The following TMBIM6 variants were observed in gnomAD, a reference collection of about 807,000 sequenced individuals.
TMBIM6 encodes transmembrane BAX inhibitor motif containing 6.
A neutral mutation model predicts 31.4 loss-of-function variants in TMBIM6; 13 were observed. That is an observed-to-expected ratio of 0.41 (90% confidence interval 0.27 to 0.66). The LOEUF (loss-of-function observed/expected upper bound fraction) is 0.66. Among genes scored for constraint, TMBIM6 ranks in the 30% least tolerant of loss-of-function variants. TMBIM6 has a pLI of 0.28. For synonymous variants in TMBIM6, 85 were observed against 101.7 expected (o/e 0.84, Z 0.99); for missense variants, 275 against 289.5 (o/e 0.95, Z 0.36).
At chr12:49,758,148 A>G (rs1284174959) in intron 4 of TMBIM6, 79 bp from the exon 5 acceptor site, 3 of 1,518,140 alleles carry the variant, frequency 2.0e-6, no homozygotes, top group African/African-American at 2.8e-5. Context: ...GTATGCCTAT[A>G]TTTCGGGATC....
At chr12:49,742,969 AG>A (rs1234309845) in intron 1 of TMBIM6, among the ~76,000 whole-genome samples, 1 of 143,456 alleles carries the variant, frequency 7.0e-6, no homozygotes, top group Admixed American at 7.3e-5. Context: ...AACATGGTTT[AG>A]TACCTTCCTC....
At chr12:49,749,441 G>GTTTTTTTTTTTTTTTTTT (rs61667487) in intron 1 of TMBIM6, among the ~76,000 whole-genome samples, 2 of 146,048 alleles carry the variant, frequency 1.4e-5, no homozygotes, top group African/African-American at 2.7e-5. Flanking sequence ...AGTCATTTTT[G>GTTTTTTTTTTTTTTTTTT]TTTTTTTTTG....
intron 3 of TMBIM6, 114 bp from the exon 4 acceptor site, chr12:49,755,521 T>C (rs1157870705): frequency 7.4e-7 from 1 of 1,357,242 alleles, no homozygotes; most frequent in African/African-American, 1.5e-5. Flanking sequence ...TGCCTCCAGG[T>C]TATAAGCAAA....
chr12:49,762,818 T>C (rs2136967402), intron 9 of TMBIM6, 55 bp from the exon 10 acceptor site: 1 of 1,566,062 alleles, frequency 6.4e-7, no homozygotes. Flanking sequence ...TCAAGAGTTT[T>C]AGCTTGAATG....
chr12:49,762,346 A>G (rs1287345904), intron 9 of TMBIM6, among the ~76,000 whole-genome samples: 1 of 152,222 alleles, frequency 6.6e-6, no homozygotes, highest in Non-Finnish European at 1.5e-5. Flanking sequence ...AGGCAGATGT[A>G]CAAGTTTCAG....
rs773911247 is a variant in TMBIM6 at position 49,753,089 on chromosome 12, C to T, written c.165+8C>T. The T allele has an allele frequency of 6.8e-6, 11 of 1,608,972 alleles. No individual in the cohort carries two copies. The highest frequency in any genetic ancestry group is 5.0e-5 in the Admixed American group (3 of 59,434). ...GTCACTCATTTCATTCAGGTAAGAA[C>T]GATTTTCTCTCCTGGTTGCTGTGGT... is the stretch of plus-strand genomic sequence containing the variant. On this transcript the variant is annotated splice_region_variant and intron_variant, in intron 3 of 9. Coordinates refer to ENST00000267115, the MANE Select transcript of TMBIM6 (RefSeq NM_003217.3).
chr12:49,757,597 G>GTC (rs1410300539), intron 4 of TMBIM6, among the ~76,000 whole-genome samples: 6 of 152,346 alleles, frequency 3.9e-5, no homozygotes, highest in African/African-American at 1.4e-4. Flanking sequence ...CTGAGTGACA[G>GTC]TCTAATATAC....
chr12:49,742,004 T>G, intron 1 of TMBIM6: 1 of 1,329,628 alleles, frequency 7.5e-7, no homozygotes, highest in Non-Finnish European at 1.0e-6. Flanking sequence ...TCAGAGCACG[T>G]CCTTCCGAGG....
intron 1 of TMBIM6, among the ~76,000 whole-genome samples, chr12:49,750,084 C>T (rs1297094650): frequency 1.3e-5 from 2 of 152,114 alleles, no homozygotes; most frequent in South Asian, 4.1e-4. Context: ...ATCCCCCTGC[C>T]CCAACCCACA....
At chr12:49,742,034 A>T in intron 1 of TMBIM6, 5 of 1,495,020 alleles carry the variant, frequency 3.3e-6, no homozygotes, top group Non-Finnish European at 4.5e-6. Context: ...GCGAAACTCC[A>T]CCCATCCGAT....
At chr12:49,742,261 G>T (rs1298530029) in intron 1 of TMBIM6, 1 of 1,606,788 alleles carries the variant, frequency 6.2e-7, no homozygotes, top group South Asian at 1.1e-5. Flanking sequence ...GCTCTTTTCG[G>T]ATTGGTTACC....
At chr12:49,749,920 C>T (rs757694611) in intron 1 of TMBIM6, 1 of 152,170 alleles carries the variant, frequency 6.6e-6, no homozygotes. Context: ...AATAAAATTG[C>T]TGTGCCCTTT....
chr12:49,755,509 C>A, intron 3 of TMBIM6, 126 bp from the exon 4 acceptor site: 1 of 1,230,590 alleles, frequency 8.1e-7, no homozygotes, highest in Non-Finnish European at 1.1e-6. Context: ...TACTTTTTCT[C>A]CTGCCTCCAG....
chr12:49,750,718 G>C (rs1391106372), intron 1 of TMBIM6: 1 of 152,210 alleles, frequency 6.6e-6, no homozygotes, highest in Non-Finnish European at 1.5e-5. Context: ...GAGTAGTGAT[G>C]TTAATGAGAG....
chr12:49,762,832 A>G (rs1158794659), intron 9 of TMBIM6, 41 bp from the exon 10 acceptor site: 2 of 1,604,350 alleles, frequency 1.2e-6, no homozygotes, highest in East Asian at 2.2e-5. Flanking sequence ...TTGAATGTCA[A>G]ATGTCAAAAA....
At chr12:49,752,441 T>G (rs937660023) in intron 1 of TMBIM6, 23 bp from the exon 2 acceptor site, 4 of 1,575,012 alleles carry the variant, frequency 2.5e-6, no homozygotes, top group Middle Eastern at 1.7e-4. Context: ...ACTTAATGAC[T>G]CTAACCTTTC....
Position 49,759,340 on chromosome 12 carries a change from C to T in TMBIM6, c.614+19C>T. 1.3e-6 allele frequency: 2 copies of T among 1,593,764 alleles called. No individual in the cohort carries two copies. The highest frequency in any genetic ancestry group is 8.6e-7 in the Non-Finnish European group (1 of 1,161,742). ...ATATCTGGTGAGTGTGGGAACTAGT[C>T]TTTAACAAGCATGAAGGTTGAGGCA... On this transcript the variant is annotated intron_variant, in intron 8 of 9. Transcript: ENST00000267115.
chr12:49,743,317 C>T lies in TMBIM6; in HGVS notation c.-31+1706C>T, dbSNP rs185220054. ...TGGTGCAATCTCGGCTCACTGCAAC[C>T]TCCGCCTCCCTGGTGCATTCAATTC... On this transcript the variant is annotated intron_variant, in intron 1 of 9. Transcript: ENST00000267115. 1.5e-3 allele frequency: 231 copies of T among 151,918 alleles called. 1 individual carries two copies. The highest frequency in any genetic ancestry group is 5.4e-3 in the African/African-American group (222 of 41,374). 9.4% of individuals were successfully genotyped at this position (151,918 alleles called of 1,614,324 possible).
rs766452857 is a variant in TMBIM6, at chr12:49,761,734, T to A, written c.645T>A (p.Ile215=). The change falls in exon 9 of 10, where the codon ATT becomes ATA. Residue 215 remains isoleucine, a synonymous_variant. Transcript: ENST00000267115. The stretch of plus-strand genomic sequence containing the variant: ...GCATTGATCTCTTCTTAGATTTCAT[T>A]ACTGTCTTCAGAAAACTCATGATGA... ...WHCIDLFLDF[I]TVFRKLMMIL... The A allele has an allele frequency of 6.2e-7, 1 of 1,614,264 alleles. No individual in the cohort carries two copies. Among genetic ancestry groups the A allele is most frequent in the South Asian group, 1.1e-5 (1 of 91,090 alleles).
Sources: allele counts gnomAD v4.1 joint callset (sites outside exome capture counted in the v4.1 genomes callset), GRCh38; gene constraint gnomAD v4.1.1; transcripts MANE v1.5; gene names NCBI Gene and HGNC (gene_info 2026-07-23, HGNC 2026-07-21).